The following NRG3 variants were observed in gnomAD, a reference collection of about 807,000 sequenced individuals.
The protein encoded by NRG3 is neuregulin 3.
NRG3 carries 31 observed loss-of-function variants against 66.9 expected under a neutral mutation model. The ratio of observed to expected loss-of-function variants is 0.46; its 90% CI spans 0.35 to 0.63. The LOEUF (loss-of-function observed/expected upper bound fraction) is 0.63, where lower values mean the gene tolerates loss of function less well. Ranked by LOEUF, NRG3 falls within the 20% of genes least tolerant of loss-of-function variation. The pLI, the probability that NRG3 is intolerant of heterozygous loss-of-function variation, is 0.00. For missense variants in NRG3, 910 were observed against 878.9 expected (o/e 1.04, Z -0.45); for synonymous variants, 393 against 359.4 (o/e 1.09, Z -1.06).
intron 1 of NRG3, among the ~76,000 whole-genome samples, chr10:82,330,047 T>C (rs1265743846): frequency 6.6e-6 from 1 of 152,208 alleles, no homozygotes; most frequent in Non-Finnish European, 1.5e-5. Context: ...GCAAAGAAAA[T>C]TTTTGGCCAT....
At chr10:82,386,361 G>A (rs983234466) in intron 2 of NRG3, among the ~76,000 whole-genome samples, 3 of 152,034 alleles carry the variant, frequency 2.0e-5, no homozygotes, top group Non-Finnish European at 4.4e-5. Flanking sequence ...CAATAGAGTG[G>A]CATGGGTTTA....
At chr10:82,731,367 A>AC in intron 2 of NRG3, among the ~76,000 whole-genome samples, 2 of 19,144 alleles carry the variant, frequency 1.0e-4, no homozygotes, top group South Asian at 3.7e-3. Context: ...ACTCTGTCTC[A>AC]AAAAAAAAAA....
At chr10:82,380,199 C>T (rs1325256354) in intron 2 of NRG3, among the ~76,000 whole-genome samples, 12 of 151,990 alleles carry the variant, frequency 7.9e-5, no homozygotes, top group Non-Finnish European at 8.8e-5. Context: ...CTTAAAATGA[C>T]TATGTTGCAT....
intron 6 of NRG3, among the ~76,000 whole-genome samples, chr10:82,971,668 C>T (rs1400794016): frequency 1.3e-5 from 2 of 152,052 alleles, no homozygotes; most frequent in Admixed American, 1.3e-4. Context: ...AACTTCTGAC[C>T]TCAGGTGATC....
rs147245780 is a variant in NRG3, at chr10:82,976,026, T to A, written c.1412+2111T>A. 4.3e-3 allele frequency among the ~76,000 whole-genome samples: 649 copies of A among 152,316 alleles called. 5 individuals are homozygous for A. Among genetic ancestry groups the A allele is most frequent in the African/African-American group, 0.015 (628 of 41,578 alleles). On this transcript the variant is annotated intron_variant, in intron 7 of 8. Coordinates refer to ENST00000372141, the MANE Select transcript of NRG3 (RefSeq NM_001010848.4). ...GGCATGTCATATTTATTGCATTATA[T>A]TTTGGCAATATAAGTCACTTATCTT...
intron 1 of NRG3, among the ~76,000 whole-genome samples, chr10:81,892,457 C>A (rs766062962): frequency 6.6e-6 from 1 of 152,050 alleles, no homozygotes; most frequent in African/African-American, 2.4e-5. Context: ...CTCTTACTTG[C>A]TGAATTTTAC....
intron 4 of NRG3, among the ~76,000 whole-genome samples, chr10:82,889,412 G>A (rs1174241803): frequency 6.6e-6 from 1 of 152,116 alleles, no homozygotes; most frequent in Non-Finnish European, 1.5e-5. Context: ...AAGGAGGTTT[G>A]GAGAGGGAAA....
chr10:82,519,317 C>T (rs1845981728), intron 2 of NRG3, among the ~76,000 whole-genome samples: 1 of 152,124 alleles, frequency 6.6e-6, no homozygotes, highest in African/African-American at 2.4e-5. Flanking sequence ...TTTCTCTGTT[C>T]TTCATTGCCT....
intron 1 of NRG3, among the ~76,000 whole-genome samples, chr10:82,067,437 TC>T (rs1802177260): frequency 6.6e-6 from 1 of 152,226 alleles, no homozygotes; most frequent in African/African-American, 2.4e-5. Context: ...CAACCTTCTC[TC>T]CCCGGTTCAA....
intron 1 of NRG3, among the ~76,000 whole-genome samples, chr10:82,280,525 C>T (rs1054133527): frequency 6.6e-6 from 1 of 152,150 alleles, no homozygotes; most frequent in Non-Finnish European, 1.5e-5. Context: ...AGCTTAAATA[C>T]TTTAGAACAT....
At chr10:82,195,865 A>G (rs1764069) in intron 1 of NRG3, among the ~76,000 whole-genome samples, 135,160 of 152,208 alleles carry the variant, frequency 0.89, 60,244 homozygotes, top group African/African-American at 0.96. Flanking sequence ...TCTGAAGACA[A>G]AAGGTGGCTG....
At chr10:81,969,772 AGTGTGTGTGT>A (rs151308270) in intron 1 of NRG3, among the ~76,000 whole-genome samples, 19 of 144,896 alleles carry the variant, frequency 1.3e-4, no homozygotes, top group South Asian at 4.5e-4. Context: ...GGACATTTTG[AGTGTGTGTGT>A]GTGTGTGTGT....
Position 82,902,521 on chromosome 10 carries a change from T to C in NRG3, c.1054+37084T>C, listed in dbSNP as rs112540476. Among the ~76,000 whole-genome samples the C allele has an allele frequency of 5.5e-3, 835 of 152,208 alleles. 10 individuals are homozygous for C. The highest frequency in any genetic ancestry group is 0.019 in the African/African-American group (790 of 41,532). ...TAAAAAAGGAAATTCGGAAGGAAGTTAATCTATTTTTGAAAGGTCAGTAAT... is the reference window on the plus strand; with the variant it reads ...TAAAAAAGGAAATTCGGAAGGAAGTCAATCTATTTTTGAAAGGTCAGTAAT... On this transcript the variant is annotated intron_variant, in intron 4 of 8. Transcript: ENST00000372141.
At chr10:82,442,263 T>C (rs1407574323) in intron 2 of NRG3, among the ~76,000 whole-genome samples, 1 of 152,176 alleles carries the variant, frequency 6.6e-6, no homozygotes, top group Non-Finnish European at 1.5e-5. Context: ...GAAACAAGAT[T>C]CCTAGTCCCA....
At chr10:82,824,019 A>G (rs1159586597) in intron 3 of NRG3, among the ~76,000 whole-genome samples, 5 of 152,164 alleles carry the variant, frequency 3.3e-5, no homozygotes, top group African/African-American at 1.2e-4. Context: ...CATACTCATT[A>G]GTAGTTGCCC....
intron 4 of NRG3, among the ~76,000 whole-genome samples, chr10:82,937,865 C>A (rs984912953): frequency 3.3e-5 from 5 of 152,200 alleles, no homozygotes; most frequent in Admixed American, 3.3e-4. Flanking sequence ...TGTAAGGAGG[C>A]AGTTTTAGGG....
intron 1 of NRG3, among the ~76,000 whole-genome samples, chr10:81,924,842 C>T (rs1186381989): frequency 1.3e-5 from 2 of 151,916 alleles, no homozygotes; most frequent in African/African-American, 4.8e-5. Flanking sequence ...AGTGGATTTC[C>T]TGTTTGATAA....
intron 1 of NRG3, among the ~76,000 whole-genome samples, chr10:82,222,668 G>C (rs995059538): frequency 2.0e-5 from 3 of 151,660 alleles, no homozygotes. Flanking sequence ...AGAATAACAA[G>C]TCATCCCTGC....
intron 1 of NRG3, among the ~76,000 whole-genome samples, chr10:82,227,565 C>G (rs1347143617): frequency 6.6e-6 from 1 of 152,028 alleles, no homozygotes; most frequent in Non-Finnish European, 1.5e-5. Context: ...AGGTGGTACA[C>G]TGATGATTCC....
Sources: allele counts gnomAD v4.1 joint callset (sites outside exome capture counted in the v4.1 genomes callset), GRCh38; gene constraint gnomAD v4.1.1; transcripts MANE v1.5; gene names NCBI Gene and HGNC (gene_info 2026-07-23, HGNC 2026-07-21).